Variants in CSNK1G1 observed in about 807,000 individuals in gnomAD.
The protein encoded by CSNK1G1 is casein kinase I isoform gamma-1.
A neutral mutation model predicts 59.6 loss-of-function variants in CSNK1G1; 22 were observed. That is an observed-to-expected ratio of 0.37 (90% CI 0.26 to 0.53). CSNK1G1 has a LOEUF of 0.53. Among genes scored for constraint, CSNK1G1 ranks in the 20% least tolerant of loss-of-function variants. The pLI is 0.89. For missense variants in CSNK1G1, 384 were observed against 519.5 expected (o/e 0.74, Z 2.54); for synonymous variants, 179 against 177.1 (o/e 1.01, Z -0.08).
chr15:64,268,911 C>T (rs1275063504), intron 2 of CSNK1G1, among the ~76,000 whole-genome samples: 6 of 152,140 alleles, frequency 3.9e-5, no homozygotes, highest in Non-Finnish European at 7.4e-5. Context: ...ATATGCAAGA[C>T]AATCAACAAT....
At chr15:64,217,723 G>A (rs184387193) in intron 4 of CSNK1G1, among the ~76,000 whole-genome samples, 3 of 151,876 alleles carry the variant, frequency 2.0e-5, no homozygotes. Context: ...GGCTGAGACA[G>A]GAGAATCGTT....
intron 2 of CSNK1G1, among the ~76,000 whole-genome samples, chr15:64,268,182 G>C (rs1031371200): frequency 6.6e-6 from 1 of 152,086 alleles, no homozygotes; most frequent in Non-Finnish European, 1.5e-5. Context: ...TGTGGCAAAG[G>C]AATAAACATG....
chr15:64,294,233 C>T (rs767832488), intron 2 of CSNK1G1, among the ~76,000 whole-genome samples: 2 of 152,122 alleles, frequency 1.3e-5, no homozygotes, highest in Admixed American at 6.6e-5. Context: ...TCACCAAGCC[C>T]GGCTAATTCT....
chr15:64,259,522 A>ACG (rs1555398768), intron 2 of CSNK1G1, among the ~76,000 whole-genome samples: 1 of 150,076 alleles, frequency 6.7e-6, no homozygotes, highest in Admixed American at 6.7e-5. Flanking sequence ...ACACACACAC[A>ACG]CATGCATGCA....
At chr15:64,241,790 C>A (rs1404115886) in intron 4 of CSNK1G1, among the ~76,000 whole-genome samples, 2 of 148,874 alleles carry the variant, frequency 1.3e-5, no homozygotes, top group Non-Finnish European at 3.0e-5. Flanking sequence ...CCTAATGATG[C>A]ATATCAAGAA....
chr15:64,202,137 G>A (rs1270756903), intron 10 of CSNK1G1, among the ~76,000 whole-genome samples: 1 of 152,130 alleles, frequency 6.6e-6, no homozygotes, highest in Non-Finnish European at 1.5e-5. Context: ...AACAATGAAG[G>A]ACAGATGACA....
Position 64,259,241 on chromosome 15 carries a change from C to A in CSNK1G1, c.182G>T (p.Gly61Val). The change falls in exon 3 of 12, where the codon GGT becomes GTT. Residue 61 changes from glycine to valine, a missense_variant and splice_region_variant. Physicochemically the swap from Gly to Val is moderately radical, Grantham distance 109. Transcript: ENST00000303052. ...ATATTCATTGGTGTAGAGATTTTTACCTAAGAGGAAAGCAGAATGTATATG... is the reference window on the plus strand; with the variant it reads ...ATATTCATTGGTGTAGAGATTTTTAACTAAGAGGAAAGCAGAATGTATATG... ...GCGNFGELRL[G>V]KNLYTNEYVA... 6.3e-7 allele frequency: 1 copy of A among 1,590,806 alleles called. No homozygotes were observed. The highest frequency in any genetic ancestry group is 8.6e-7 in the Non-Finnish European group (1 of 1,166,544).
At chr15:64,275,509 A>T (rs1893558832) in intron 2 of CSNK1G1, among the ~76,000 whole-genome samples, 1 of 152,210 alleles carries the variant, frequency 6.6e-6, no homozygotes, top group Admixed American at 6.5e-5. Context: ...AGGCAAGAAT[A>T]ATTTTTTCTT....
chr15:64,347,658 AAAGAG>A lies in CSNK1G1; in HGVS notation c.-225+8325_-225+8329del, dbSNP rs374165791. On this transcript the variant is annotated intron_variant, in intron 1 of 11. Coordinates refer to ENST00000303052, the MANE Select transcript of CSNK1G1 (RefSeq NM_022048.5). ...AAGGAAGGAAAATGTACAGAAAAGA[AAAGAG>A]AAAAGAAAAATTGTCCTGCAATAAA... 3.3e-4 allele frequency among the ~76,000 whole-genome samples: 50 copies of A among 152,040 alleles called. 1 individual carries two copies. Among genetic ancestry groups the A allele is most frequent in the Middle Eastern group, 3.4e-3 (1 of 294 alleles).
intron 4 of CSNK1G1, among the ~76,000 whole-genome samples, chr15:64,238,544 T>TG (rs900166423): frequency 1.7e-5 from 2 of 117,284 alleles, no homozygotes; most frequent in Non-Finnish European, 3.5e-5. Context: ...TATATATATA[T>TG]GAAAAAAAAC....
chr15:64,193,877 T>G (rs1022860426), intron 10 of CSNK1G1: 4 of 152,204 alleles, frequency 2.6e-5, no homozygotes, highest in Non-Finnish European at 5.9e-5. Context: ...ATCACCAAGT[T>G]TCCTCCTACA....
At chr15:64,351,788 A>C (rs1302535646) in intron 1 of CSNK1G1, among the ~76,000 whole-genome samples, 1 of 152,096 alleles carries the variant, frequency 6.6e-6, no homozygotes, top group Non-Finnish European at 1.5e-5. Flanking sequence ...CTGAGGCAGG[A>C]GGGGCGCTTG....
chr15:64,296,447 AT>A (rs1251795388), intron 2 of CSNK1G1, among the ~76,000 whole-genome samples: 1 of 152,150 alleles, frequency 6.6e-6, no homozygotes, highest in East Asian at 1.9e-4. Context: ...ATCACTTTGT[AT>A]TGCAATTTGT....
In CSNK1G1 at chr15:64,285,542, C is replaced by A. The variant is rs137996951; in HGVS notation, c.181+14777G>T. ...CTAACAAGTATAAAAAGTAGCATTA[C>A]AACCCTCAAAAAGGACCCTACTCTG... On this transcript the variant is annotated intron_variant, in intron 2 of 11. Transcript: ENST00000303052. Among the ~76,000 whole-genome samples, 678 of 152,282 alleles carry A rather than the reference C, an allele frequency of 4.5e-3. 5 individuals carry two copies. Among genetic ancestry groups the A allele is most frequent in the African/African-American group, 0.015 (630 of 41,554 alleles).
intron 1 of CSNK1G1, among the ~76,000 whole-genome samples, chr15:64,346,109 C>T (rs1331795678): frequency 2.6e-5 from 4 of 151,874 alleles, no homozygotes; most frequent in Non-Finnish European, 2.9e-5. Flanking sequence ...CAATTGGTCA[C>T]GACTGGATGC....
chr15:64,300,291 G>C, intron 2 of CSNK1G1, 28 bp downstream of exon 2: 1 of 1,601,162 alleles, frequency 6.2e-7, no homozygotes, highest in Non-Finnish European at 8.6e-7. Context: ...GTTGTTAGTA[G>C]AAGTCACTGA....
intron 3 of CSNK1G1, among the ~76,000 whole-genome samples, chr15:64,257,039 A>G (rs1892414078): frequency 6.6e-6 from 1 of 151,790 alleles, no homozygotes; most frequent in South Asian, 2.1e-4. Flanking sequence ...TTTGGAGAAC[A>G]GAAGCCCAAA....
chr15:64,229,522 C>CTCTCTT (rs1286855399), intron 4 of CSNK1G1, among the ~76,000 whole-genome samples: 1 of 145,164 alleles, frequency 6.9e-6, no homozygotes, highest in Non-Finnish European at 1.5e-5. Context: ...CTCTTTCTCT[C>CTCTCTT]TCTCTTTCTC....
chr15:64,351,228 T>C (rs1898266928), intron 1 of CSNK1G1, among the ~76,000 whole-genome samples: 1 of 152,202 alleles, frequency 6.6e-6, no homozygotes. Flanking sequence ...AAGCACCGCC[T>C]GGACTTTTTA....
Sources: gnomAD v4.1 joint callset for allele counts (sites outside exome capture counted in the v4.1 genomes callset) on GRCh38, gnomAD v4.1.1 for gene constraint, MANE v1.5 for transcripts, NCBI Gene and HGNC (gene_info 2026-07-23, HGNC 2026-07-21) for gene names.